Variants in BSG observed in about 807,000 individuals in gnomAD.
BSG encodes basigin (Ok blood group).
Under a neutral mutation model 43.1 loss-of-function variants are expected in BSG, and 37 were observed. The observed-to-expected ratio is 0.86, with a 90% CI of 0.66 to 1.13. The LOEUF (loss-of-function observed/expected upper bound fraction) is 1.13. Ranked by LOEUF, BSG falls within the 50% of genes most tolerant of loss-of-function variation. The pLI, the probability that BSG is intolerant of heterozygous loss-of-function variation, is 0.00. For synonymous variants in BSG, 309 were observed against 238.7 expected (o/e 1.29, Z -2.72); for missense variants, 599 against 554.2 (o/e 1.08, Z -0.81).
At chr19:579,159 G>A (rs997863987) in intron 2 of BSG, 3 of 485,706 alleles carry the variant, frequency 6.2e-6, no homozygotes, top group African/African-American at 5.8e-5. Context: ...CCACACCCTG[G>A]TCCCAGCCTC....
At chr19:574,044 C>T (rs1024398277) in intron 1 of BSG, among the ~76,000 whole-genome samples, 8 of 148,878 alleles carry the variant, frequency 5.4e-5, no homozygotes, top group African/African-American at 2.0e-4. Context: ...CACCTGAGGT[C>T]AGGAGTTCAA....
chr19:577,266 C>CCTCAGAGATTGCTGAGGA (rs1981860413), intron 1 of BSG, among the ~76,000 whole-genome samples: 1 of 152,166 alleles, frequency 6.6e-6, no homozygotes, highest in Admixed American at 6.5e-5. Flanking sequence ...GGGTCGCCGC[C>CCTCAGAGATTGCTGAGGA]CTCAGAGATT....
chr19:580,420 TCCTC>T lies in BSG; in HGVS notation c.617_620del (p.Leu206ProfsTer17). 6.2e-7 allele frequency: 1 copy of T among 1,611,212 alleles called. No individual in the cohort carries two copies. The highest frequency in any genetic ancestry group is 8.5e-7 in the Non-Finnish European group (1 of 1,179,910). Reference sequence around the variant, plus strand: ...CAGTGGGGAGAGTACTCCTGCGTCTTCCTCCCCGAGCCCATGGGCACGGCCAACA... The same window carrying T: ...CAGTGGGGAGAGTACTCCTGCGTCTTCCCGAGCCCATGGGCACGGCCAACA... On this transcript the variant is annotated frameshift_variant, in exon 4 of 9. Coordinates refer to ENST00000333511, the MANE Select transcript of BSG (RefSeq NM_001728.4). LOFTEE classifies it high-confidence loss of function.
At chr19:577,676 A>T in intron 1 of BSG, 98 bp from the exon 2 acceptor site, 1 of 1,051,570 alleles carries the variant, frequency 9.5e-7, no homozygotes, top group Non-Finnish European at 1.3e-6. Flanking sequence ...CTTCTCCACC[A>T]GCCCTGGCTG....
chr19:573,142 G>A (rs1386076117), intron 1 of BSG, among the ~76,000 whole-genome samples: 2 of 152,190 alleles, frequency 1.3e-5, no homozygotes, highest in Non-Finnish European at 2.9e-5. Flanking sequence ...TCGGCCAGGA[G>A]AAGGGAGACC....
chr19:578,806 C>G (rs1200221457), intron 2 of BSG: 1 of 349,762 alleles, frequency 2.9e-6, no homozygotes, highest in Non-Finnish European at 5.7e-6. Context: ...TCTCGGCTCA[C>G]TGCAACTTCC....
upstream of BSG, chr19:571,602 A>T (rs779886371): frequency 1.3e-6 from 1 of 779,556 alleles, no homozygotes; most frequent in Non-Finnish European, 2.4e-6. Flanking sequence ...CTCTCCTGAA[A>T]CAGAATGGGA....
At chr19:578,903 TG>T (rs1982020656) in intron 2 of BSG, 1 of 397,112 alleles carries the variant, frequency 2.5e-6, no homozygotes, top group Non-Finnish European at 5.1e-6. Context: ...GCTAATTTTT[TG>T]TATTTTTAGA....
In BSG at chr19:582,416, T is replaced by G. The variant is rs1982404555; in HGVS notation, c.1094+86T>G. On this transcript the variant is annotated intron_variant, in intron 7 of 8. Transcript: ENST00000333511. ...AAACACAAAGGCAGAGCCCCTGGGC[T>G]TCAGTATTCGGGGGTCCTGGGGGCC... 1.7e-5 allele frequency: 27 copies of G among 1,598,264 alleles called. No homozygotes were observed. The South Asian group carries it at 2.8e-4, about 16-fold the overall frequency.
intron 2 of BSG, chr19:578,975 C>T (rs1982028749): frequency 2.2e-6 from 1 of 451,288 alleles, no homozygotes; most frequent in Non-Finnish European, 4.4e-6. Context: ...CGAGATCCAC[C>T]CGCCTTGGCC....
chr19:582,339 C>T lies in BSG; in HGVS notation c.1094+9C>T, dbSNP rs543483161. The T allele has an allele frequency of 3.1e-6, 5 of 1,596,570 alleles. No individual in the cohort carries two copies. Among genetic ancestry groups the T allele is most frequent in the East Asian group, 4.5e-5 (2 of 44,806 alleles). ...GCCGGCTCTGCACCCCTGTAAGTTC[C>T]AGCTGTGGGGGTCGGGGGTCCCAAG... On this transcript the variant is annotated intron_variant, in intron 7 of 8. Transcript: ENST00000333511.
rs867092694 is a variant in BSG, at chr19:577,867, TC to T, written c.163del (p.Gln55SerfsTer65). The T allele has an allele frequency of 6.4e-7, 1 of 1,565,842 alleles. No individual in the cohort carries two copies. Among genetic ancestry groups the T allele is most frequent in the African/African-American group, 1.3e-5 (1 of 74,200 alleles). ...GCCGTGGGCAGCCCGGTGCCCGAGA[TC>T]CAGTGGTGGTTTGAAGGGCAGGGTC... is the stretch of plus-strand genomic sequence containing the variant. ...CEAVGSPVPE[I>X]QWWFEGQGPN... On this transcript the variant is annotated frameshift_variant, in exon 2 of 9. Transcript: ENST00000333511. LOFTEE classifies it high-confidence loss of function.
At chr19:582,486 C>A in intron 7 of BSG, 28 bp from the exon 8 acceptor site, 3 of 1,605,450 alleles carry the variant, frequency 1.9e-6, no homozygotes, top group Non-Finnish European at 2.5e-6. Flanking sequence ...GCGGGGGACA[C>A]CCTCTCACCC....
intron 6 of BSG, 91 bp downstream of exon 6, chr19:581,682 C>G: frequency 6.9e-7 from 1 of 1,439,258 alleles, no homozygotes; most frequent in Non-Finnish European, 9.2e-7. Context: ...ACCGCTGACC[C>G]AGAGCTTGGA....
Position 582,814 on chromosome 19 carries a change from A to C in BSG, c.*70A>C, listed in dbSNP as rs1023694882. ...GCCGGAGTCCACTCCCAGTGCTTGC[A>C]AGATTCCAAGTTCTCACCTCTTAAA... is the stretch of plus-strand genomic sequence containing the variant. On this transcript the variant is annotated 3_prime_UTR_variant, in exon 9 of 9. Transcript: ENST00000333511. 2 of 577,058 alleles carry C rather than the reference A, an allele frequency of 3.5e-6. No homozygotes were observed. Among genetic ancestry groups the C allele is most frequent in the Admixed American group, 6.6e-5 (2 of 30,194 alleles). The allele number at this position is 577,058 out of a possible 1,614,324, so 35.7% of individuals were successfully genotyped here. A position where few individuals can be genotyped will look rare whatever the true frequency, so the allele number is the denominator to read the frequency against.
intron 1 of BSG, 130 bp downstream of exon 1, chr19:572,831 CG>C (rs1568346050): frequency 3.6e-6 from 4 of 1,099,278 alleles, no homozygotes; most frequent in Non-Finnish European, 4.7e-6. Flanking sequence ...AGGCCGGCCC[CG>C]GGGGCTTCCC....
chr19:572,954 CTG>C (rs929993822), intron 1 of BSG, among the ~76,000 whole-genome samples: 11 of 150,964 alleles, frequency 7.3e-5, no homozygotes, highest in East Asian at 2.0e-4. Context: ...AGCCCGGCCT[CTG>C]TGTGTGGGCG....
chr19:583,071 C>T lies in BSG; in HGVS notation c.*327C>T. 1 of 165,018 alleles carries T rather than the reference C, an allele frequency of 6.1e-6. No homozygotes were observed. The highest frequency in any genetic ancestry group is 1.6e-4 in the South Asian group (1 of 6,432). 10.2% of individuals were successfully genotyped at this position (165,018 alleles called of 1,614,324 possible). On this transcript the variant is annotated 3_prime_UTR_variant, in exon 9 of 9. Transcript: ENST00000333511. ...GGCCGGAGTCAGTGCCAGGTCCTTG[C>T]CCTTTGTGGAAAGTCACAGGTCACA...
At position 579,970 on chromosome 19, in the gene BSG, G is replaced by A; in HGVS notation, c.572+314G>A. On this transcript the variant is annotated intron_variant, in intron 3 of 8. Transcript: ENST00000333511. ...GGGCCTCCCAGGCTCTGTGCTCCTGGCACAAGAGGGCACCACACTGAGGCA... is the reference window on the plus strand; with the variant it reads ...GGGCCTCCCAGGCTCTGTGCTCCTGACACAAGAGGGCACCACACTGAGGCA... 7.0e-6 allele frequency: 3 copies of A among 429,540 alleles called. No individual in the cohort carries two copies. The South Asian group carries it at 9.2e-5, about 13-fold the overall frequency. The allele number at this position is 429,540 out of a possible 1,614,324, so 26.6% of individuals were successfully genotyped here.
Sources: gnomAD v4.1 joint callset for allele counts (sites outside exome capture counted in the v4.1 genomes callset) on GRCh38, gnomAD v4.1.1 for gene constraint, MANE v1.5 for transcripts, NCBI Gene and HGNC (gene_info 2026-07-23, HGNC 2026-07-21) for gene names.